GPLD1: variants seen among roughly 807,000 people sequenced by gnomAD.
The protein encoded by GPLD1 is glycosylphosphatidylinositol specific phospholipase D1.
In GPLD1, 84 loss-of-function variants were observed where a neutral mutation model predicts 112.6. The observed-to-expected ratio is 0.75, with a 90% CI of 0.63 to 0.89. The LOEUF (loss-of-function observed/expected upper bound fraction) is 0.89, where lower values mean the gene tolerates loss of function less well. Ranked by LOEUF, GPLD1 falls within the 40% of genes least tolerant of loss-of-function variation. GPLD1 has a pLI of 0.00. For missense variants in GPLD1, 1,044 were observed against 1,051.5 expected (o/e 0.99, Z 0.10); for synonymous variants, 386 against 403.8 (o/e 0.96, Z 0.53).
chr6:24,451,473 G>C (rs547040156), intron 14 of GPLD1, among the ~76,000 whole-genome samples: 2 of 152,276 alleles, frequency 1.3e-5, no homozygotes, highest in African/African-American at 4.8e-5. Flanking sequence ...CGAGTAGCTG[G>C]GATTACAGGC....
intron 20 of GPLD1, among the ~76,000 whole-genome samples, chr6:24,445,025 T>C (rs930853493): frequency 4.0e-5 from 6 of 150,826 alleles, no homozygotes; most frequent in African/African-American, 1.5e-4. Context: ...TCTTATTTTA[T>C]TTTATTTTTA....
rs147685214 is a variant in GPLD1 at position 24,476,269 on chromosome 6, T to C, written c.242A>G (p.His81Arg). 1.8e-5 allele frequency: 27 copies of C among 1,537,370 alleles called. No homozygotes were observed. The African/African-American group carries it at 3.1e-4, about 18-fold the overall frequency. ...CCAGTGAGTGCTCTCAGACACATCA[T>C]GGAATTTTCCTGACAAAACAAAAGC... ...YPSICKGGKF[H>R]DVSESTHWTP... Residue 81 changes from histidine to arginine, a missense_variant, in exon 4 of 25, where the codon CAT becomes CGT. By Grantham distance (29) the His-to-Arg change is conservative. Transcript: ENST00000230036.
At chr6:24,463,351 A>C (rs191291060) in intron 10 of GPLD1, among the ~76,000 whole-genome samples, 8 of 152,240 alleles carry the variant, frequency 5.3e-5, no homozygotes, top group African/African-American at 1.7e-4. Context: ...ATATAAGAAG[A>C]GTATTCTGGA....
rs542984429 is a variant in GPLD1, at chr6:24,437,094, G to A, written c.2197+19C>T. ...CAAAGGGACTCAATTCTTGTCAAAGGGTCCTGTTCCTTTCTTACCTAAGCC... is the reference window on the plus strand; with the variant it reads ...CAAAGGGACTCAATTCTTGTCAAAGAGTCCTGTTCCTTTCTTACCTAAGCC... On this transcript the variant is annotated intron_variant, in intron 21 of 24. Transcript: ENST00000230036. The A allele has an allele frequency of 3.7e-6, 6 of 1,608,850 alleles. No homozygotes were observed. In the Admixed American group the frequency reaches 1.0e-4, roughly 27 times the overall value.
chr6:24,465,398 C>A (rs988016760), intron 10 of GPLD1, among the ~76,000 whole-genome samples: 1 of 151,098 alleles, frequency 6.6e-6, no homozygotes, highest in Admixed American at 6.6e-5. Flanking sequence ...AACAATTAGC[C>A]TGGTGCAGTG....
Position 24,445,550 on chromosome 6 carries a change from C to T in GPLD1, c.2016G>A (p.Thr672=), listed in dbSNP as rs757793346. The T allele has an allele frequency of 6.2e-6, 10 of 1,607,496 alleles. No homozygotes were observed. In the South Asian group the frequency reaches 7.7e-5, roughly 12 times the overall value. Residue 672 remains threonine, a synonymous_variant, in exon 20 of 25, where the codon ACG becomes ACA. Coordinates refer to ENST00000230036, the MANE Select transcript of GPLD1 (RefSeq NM_001503.4). ...LKQVLLVGAP[T]YDDVSKVAFL... is the part of the protein sequence containing the mutation. Reference sequence around the variant, plus strand: ...GTTTCACAGTGTGTGACCTACCGTACGTAGGGGCTCCAACCAGCAGCACTT... The same window carrying T: ...GTTTCACAGTGTGTGACCTACCGTATGTAGGGGCTCCAACCAGCAGCACTT...
chr6:24,443,797 A>C (rs1762825998), intron 20 of GPLD1, among the ~76,000 whole-genome samples: 1 of 152,030 alleles, frequency 6.6e-6, no homozygotes, highest in Non-Finnish European at 1.5e-5. Flanking sequence ...CAGGCTCAGG[A>C]GTAGCTGGGA....
At chr6:24,481,706 C>T (rs7749066) in intron 2 of GPLD1, among the ~76,000 whole-genome samples, 5,512 of 152,204 alleles carry the variant, frequency 0.036, 321 homozygotes, top group African/African-American at 0.12. Context: ...GGCTGCTGAG[C>T]TCTGACGCTG....
At chr6:24,429,193 T>A in intron 24 of GPLD1, 75 bp from the exon 25 acceptor site, 1 of 860,082 alleles carries the variant, frequency 1.2e-6, no homozygotes, top group South Asian at 1.6e-5. Flanking sequence ...CCAGGCATCA[T>A]GCTATGCTCT....
chr6:24,459,915 T>C (rs114137948), intron 12 of GPLD1, among the ~76,000 whole-genome samples: 9,277 of 152,138 alleles, frequency 0.061, 801 homozygotes, highest in African/African-American at 0.2. Context: ...CCAAGAGTAT[T>C]TGCCGGCCTG....
intron 21 of GPLD1, 150 bp from the exon 22 acceptor site, chr6:24,436,886 GT>G: frequency 1.2e-6 from 1 of 828,756 alleles, no homozygotes; most frequent in South Asian, 1.8e-5. Flanking sequence ...AAAGGCTTTT[GT>G]TTCCTACTTC....
chr6:24,478,147 C>T (rs929475757), intron 3 of GPLD1, among the ~76,000 whole-genome samples: 2 of 151,992 alleles, frequency 1.3e-5, no homozygotes, highest in African/African-American at 4.8e-5. Context: ...CAAAAATATC[C>T]TTTCTTCTTT....
intron 12 of GPLD1, among the ~76,000 whole-genome samples, chr6:24,457,616 C>G (rs1002336568): frequency 2.0e-5 from 3 of 152,142 alleles, no homozygotes; most frequent in African/African-American, 7.2e-5. Context: ...GGCGTGGTGG[C>G]TCACGCCTAT....
intron 14 of GPLD1, among the ~76,000 whole-genome samples, chr6:24,452,797 G>A (rs1358844891): frequency 6.7e-6 from 1 of 148,676 alleles, no homozygotes; most frequent in East Asian, 1.9e-4. Flanking sequence ...AAGCAAGCAC[G>A]TTCAGGTGTG....
intron 12 of GPLD1, among the ~76,000 whole-genome samples, chr6:24,457,298 G>A (rs1054246737): frequency 6.6e-6 from 1 of 151,660 alleles, no homozygotes; most frequent in Non-Finnish European, 1.5e-5. Flanking sequence ...TGGGCAACAT[G>A]GAGAAACCCC....
At chr6:24,481,840 A>G (rs1213995189) in intron 2 of GPLD1, among the ~76,000 whole-genome samples, 3 of 152,192 alleles carry the variant, frequency 2.0e-5, no homozygotes, top group Non-Finnish European at 4.4e-5. Flanking sequence ...TCCAAAAGAT[A>G]GCTTGAGTTG....
Position 24,456,516 on chromosome 6 carries a change from GGAAATGACAA to G in GPLD1, c.1120_1129del (p.Ser375MetfsTer8). On this transcript the variant is annotated frameshift_variant, in exon 13 of 25. Coordinates refer to ENST00000230036, the MANE Select transcript of GPLD1 (RefSeq NM_001503.4). LOFTEE classifies it high-confidence loss of function. ...TACGTACCAGCCAAGCCTCGCATAA[GGAAATGACAA>G]GAAGTAAGATGCTAAGGGGCTGGAG... 6.2e-7 allele frequency: 1 copy of G among 1,608,826 alleles called. No individual in the cohort carries two copies. Among genetic ancestry groups the G allele is most frequent in the Non-Finnish European group, 8.5e-7 (1 of 1,176,854 alleles).
intron 10 of GPLD1, among the ~76,000 whole-genome samples, 177 bp from the exon 11 acceptor site, chr6:24,462,972 T>G (rs1249599283): frequency 6.6e-6 from 1 of 152,166 alleles, no homozygotes; most frequent in Non-Finnish European, 1.5e-5. Flanking sequence ...GGCTGACGGT[T>G]GTCACTATCA....
chr6:24,480,872 C>A (rs574745165), intron 2 of GPLD1, among the ~76,000 whole-genome samples: 1 of 152,170 alleles, frequency 6.6e-6, no homozygotes, highest in Non-Finnish European at 1.5e-5. Flanking sequence ...ACGGAGCCCT[C>A]GGCTAACATG....
Sources: gnomAD v4.1 joint callset for allele counts (sites outside exome capture counted in the v4.1 genomes callset) on GRCh38, gnomAD v4.1.1 for gene constraint, MANE v1.5 for transcripts, NCBI Gene and HGNC (gene_info 2026-07-23, HGNC 2026-07-21) for gene names.